The following NLGN1 variants were observed in gnomAD, a reference collection of about 807,000 sequenced individuals.
NLGN1 encodes the protein neuroligin-1.
In NLGN1, 12 loss-of-function variants were observed where a neutral mutation model predicts 65.5. That is an observed-to-expected ratio of 0.18 (90% CI 0.12 to 0.30). The LOEUF is 0.30. Among genes scored for constraint, NLGN1 ranks in the 10% least tolerant of loss-of-function variants. NLGN1 has a pLI of 1.00. For missense variants in NLGN1, 750 were observed against 1,007.1 expected (o/e 0.74, Z 3.46); for synonymous variants, 350 against 359.5 (o/e 0.97, Z 0.30).
At chr3:174,235,528 C>T (rs1418897155) in intron 4 of NLGN1, among the ~76,000 whole-genome samples, 1 of 152,028 alleles carries the variant, frequency 6.6e-6, no homozygotes, top group Non-Finnish European at 1.5e-5. Context: ...CAGTGATTTC[C>T]TTTTAATACC....
intron 2 of NLGN1, among the ~76,000 whole-genome samples, chr3:173,483,342 A>G (rs1025489853): frequency 6.6e-6 from 1 of 152,032 alleles, no homozygotes; most frequent in Non-Finnish European, 1.5e-5. Flanking sequence ...GACTTTTTAT[A>G]ACTCAATAGG....
chr3:173,656,408 C>T (rs1314549462), intron 3 of NLGN1, among the ~76,000 whole-genome samples: 1 of 152,150 alleles, frequency 6.6e-6, no homozygotes, highest in African/African-American at 2.4e-5. Flanking sequence ...ATAATACTCT[C>T]TACAGAGCTT....
intron 4 of NLGN1, among the ~76,000 whole-genome samples, chr3:174,271,518 C>CTGT (rs112971034): frequency 2.0e-5 from 3 of 151,712 alleles, no homozygotes; most frequent in African/African-American, 7.3e-5. Context: ...CAGTAATTAT[C>CTGT]TGTTTTTATT....
intron 2 of NLGN1, among the ~76,000 whole-genome samples, chr3:173,557,687 A>G (rs868775621): frequency 6.6e-6 from 1 of 152,110 alleles, no homozygotes; most frequent in Non-Finnish European, 1.5e-5. Flanking sequence ...CACTTCACAT[A>G]TAATACCAGA....
intron 4 of NLGN1, among the ~76,000 whole-genome samples, chr3:174,069,500 CA>C (rs781319563): frequency 2.0e-5 from 3 of 152,120 alleles, no homozygotes; most frequent in Non-Finnish European, 4.4e-5. Flanking sequence ...GGACAATTTT[CA>C]AAAGTAATTA....
chr3:173,993,472 A>G (rs561809218), intron 4 of NLGN1, among the ~76,000 whole-genome samples: 11 of 152,272 alleles, frequency 7.2e-5, no homozygotes, highest in African/African-American at 2.6e-4. Context: ...CATGAAGTAA[A>G]TAGAGCTACT....
chr3:174,279,866 T>G lies in NLGN1; in HGVS notation c.1649+216T>G, dbSNP rs2152893611. Among the ~76,000 whole-genome samples the G allele has an allele frequency of 6.6e-6, 1 of 152,106 alleles. No individual in the cohort carries two copies. The highest frequency in any genetic ancestry group is 1.9e-4 in the East Asian group (1 of 5,144). ...GAAGCTTGTTAAGAAAGCACATATC[T>G]CAATTGCATTACTTAATTACATCTG... On this transcript the variant is annotated intron_variant, in intron 6 of 6. Transcript: ENST00000457714. This position sits in a 1 kb window ranked among gnomAD's most constrained non-coding sequence, Gnocchi z 4.7.
chr3:173,885,039 C>A (rs1734080040), intron 4 of NLGN1, among the ~76,000 whole-genome samples: 1 of 152,090 alleles, frequency 6.6e-6, no homozygotes, highest in East Asian at 1.9e-4. Flanking sequence ...AAGTCCCCAC[C>A]TTTGAATAGT....
At chr3:173,981,847 A>G (rs1440270934) in intron 4 of NLGN1, among the ~76,000 whole-genome samples, 1 of 152,078 alleles carries the variant, frequency 6.6e-6, no homozygotes, top group Non-Finnish European at 1.5e-5. Context: ...TCTTTAATAT[A>G]TGTTGCCTAA....
chr3:173,854,576 CA>C (rs1161842224), intron 4 of NLGN1, among the ~76,000 whole-genome samples: 1 of 151,808 alleles, frequency 6.6e-6, no homozygotes, highest in Non-Finnish European at 1.5e-5. Flanking sequence ...TAAAAAAAAT[CA>C]ATGTTTGCGT....
Position 174,255,480 on chromosome 3 carries a change from C to T in NLGN1, c.647-19835C>T, listed in dbSNP as rs149054029. On this transcript the variant is annotated intron_variant, in intron 4 of 6. Coordinates refer to ENST00000457714, the Ensembl canonical transcript of NLGN1. The stretch of plus-strand genomic sequence containing the variant: ...AAGCGCAAGTCAAAGAGCAGTGGTA[C>T]TTTGCAGAGAGGAATCTGTGAATGA... Among the ~76,000 whole-genome samples the T allele has an allele frequency of 4.5e-3, 643 of 141,850 alleles. 5 individuals carry two copies. The highest frequency in any genetic ancestry group is 0.016 in the African/African-American group (608 of 37,026). The allele number at this position is 141,850 out of a possible 152,430, so 93.1% of individuals were successfully genotyped here.
intron 3 of NLGN1, among the ~76,000 whole-genome samples, chr3:173,693,058 C>T (rs1765698590): frequency 6.6e-6 from 1 of 151,948 alleles, no homozygotes; most frequent in South Asian, 2.1e-4. Flanking sequence ...CTCAAGAGTA[C>T]ACTACAAGTG....
intron 4 of NLGN1, among the ~76,000 whole-genome samples, chr3:174,225,508 G>T (rs1399563022): frequency 1.3e-5 from 2 of 152,158 alleles, no homozygotes; most frequent in Non-Finnish European, 2.9e-5. Context: ...GAGGCAGGCG[G>T]ATCATGAGGT....
intron 3 of NLGN1, among the ~76,000 whole-genome samples, chr3:173,759,136 AT>A (rs1335178516): frequency 6.6e-6 from 1 of 151,686 alleles, no homozygotes; most frequent in Non-Finnish European, 1.5e-5. Flanking sequence ...CCTAACATGA[AT>A]TTTTCCTTAT....
intron 3 of NLGN1, among the ~76,000 whole-genome samples, chr3:173,806,505 C>T (rs572384681): frequency 9.9e-5 from 15 of 152,042 alleles, no homozygotes; most frequent in African/African-American, 2.6e-4. Context: ...AAAGATAATA[C>T]ATTTGATGTA....
intron 2 of NLGN1, among the ~76,000 whole-genome samples, chr3:173,529,877 G>T (rs554013591): frequency 6.6e-6 from 1 of 152,126 alleles, no homozygotes; most frequent in African/African-American, 2.4e-5. Flanking sequence ...CTCTAGCCCT[G>T]GGTGGAGTGG....
At chr3:173,849,574 A>T (rs548814583) in intron 4 of NLGN1, among the ~76,000 whole-genome samples, 1 of 152,338 alleles carries the variant, frequency 6.6e-6, no homozygotes, top group African/African-American at 2.4e-5. Flanking sequence ...GTTAGGCATC[A>T]TTTAGGTATG....
At chr3:173,712,202 A>T (rs1228021827) in intron 3 of NLGN1, among the ~76,000 whole-genome samples, 1 of 152,072 alleles carries the variant, frequency 6.6e-6, no homozygotes, top group Non-Finnish European at 1.5e-5. Context: ...GCTTTTAGTT[A>T]GTTCATGTAA....
intron 4 of NLGN1, among the ~76,000 whole-genome samples, chr3:174,232,910 C>A (rs1470590883): frequency 6.6e-6 from 1 of 152,224 alleles, no homozygotes; most frequent in Non-Finnish European, 1.5e-5. Context: ...TCCCCAACTT[C>A]GGACAGCTTT....
Sources: allele counts gnomAD v4.1 joint callset (sites outside exome capture counted in the v4.1 genomes callset), GRCh38; gene constraint gnomAD v4.1.1; non-coding constraint Gnocchi (gnomAD v3.1); transcripts MANE v1.5; gene names NCBI Gene and HGNC (gene_info 2026-07-23, HGNC 2026-07-21).